Variants in SNX10 observed in about 807,000 individuals in gnomAD.
SNX10 encodes sorting nexin-10.
SNX10 carries 25 observed loss-of-function variants against 28.5 expected under a neutral mutation model. That is an observed-to-expected ratio of 0.88 (90% CI 0.64 to 1.22). The LOEUF (loss-of-function observed/expected upper bound fraction) is 1.22, where lower values mean the gene tolerates loss of function less well. Ranked by LOEUF, SNX10 falls within the 50% of genes most tolerant of loss-of-function variation. The pLI is 0.00. For synonymous variants in SNX10, 62 were observed against 81.4 expected (o/e 0.76, Z 1.28); for missense variants, 223 against 242.6 (o/e 0.92, Z 0.54).
intron 1 of SNX10, among the ~76,000 whole-genome samples, chr7:26,341,769 G>A (rs1470891352): frequency 6.6e-6 from 1 of 152,082 alleles, no homozygotes. Flanking sequence ...ACAGGCATGA[G>A]CCACCACACC....
chr7:26,354,144 A>C (rs977565996), intron 2 of SNX10: 2 of 152,238 alleles, frequency 1.3e-5, no homozygotes, highest in African/African-American at 4.8e-5. Context: ...CACAATGGCT[A>C]AAATAAAAAA....
intron 1 of SNX10, among the ~76,000 whole-genome samples, chr7:26,324,846 T>C (rs1300576568): frequency 6.6e-6 from 1 of 152,182 alleles, no homozygotes; most frequent in African/African-American, 2.4e-5. Flanking sequence ...AATTATATTA[T>C]TTAAACATTA....
At chr7:26,369,689 C>T (rs1401700826) in intron 5 of SNX10, among the ~76,000 whole-genome samples, 1 of 152,160 alleles carries the variant, frequency 6.6e-6, no homozygotes, top group African/African-American at 2.4e-5. Context: ...GCTGGGTGAG[C>T]CTGGCTCCTT....
intron 1 of SNX10, among the ~76,000 whole-genome samples, chr7:26,345,734 A>G (rs1456669522): frequency 1.3e-5 from 2 of 152,206 alleles, no homozygotes; most frequent in Admixed American, 6.5e-5. Flanking sequence ...GTAAGAATAC[A>G]TATGTGTGGA....
intron 1 of SNX10, among the ~76,000 whole-genome samples, chr7:26,325,402 C>T (rs548443305): frequency 6.8e-6 from 1 of 146,148 alleles, no homozygotes; most frequent in South Asian, 2.2e-4. Flanking sequence ...CAACCTCAGC[C>T]TCCCAGGTTC....
At chr7:26,300,943 T>TG (rs1301290058) in intron 1 of SNX10, among the ~76,000 whole-genome samples, 4 of 132,552 alleles carry the variant, frequency 3.0e-5, no homozygotes, top group African/African-American at 1.2e-4. Flanking sequence ...CACTTGAGCC[T>TG]GGGAGGTGGA....
Position 26,351,646 on chromosome 7 carries a change from G to GTTTTTTT in SNX10, c.24+5186_24+5192dup, listed in dbSNP as rs982361856. Among the ~76,000 whole-genome samples, 31 of 112,620 alleles carry GTTTTTTT rather than the reference G, an allele frequency of 2.8e-4. 1 individual carries two copies. Among genetic ancestry groups the GTTTTTTT allele is most frequent in the African/African-American group, 8.4e-4 (26 of 30,818 alleles). 73.9% of individuals were successfully genotyped at this position (112,620 alleles called of 152,430 possible). A position where few individuals can be genotyped will look rare whatever the true frequency, so the allele number is the denominator to read the frequency against. On this transcript the variant is annotated intron_variant, in intron 2 of 6. Coordinates refer to ENST00000338523, the MANE Select transcript of SNX10 (RefSeq NM_013322.3). The stretch of plus-strand genomic sequence containing the variant: ...AAAACTAAAGCAATCAAGCAGTCTG[G>GTTTTTTT]TTTTTTTTTTTTGTTTTTTTTTTTT...
intron 3 of SNX10, among the ~76,000 whole-genome samples, chr7:26,361,980 G>A (rs2128022499): frequency 6.6e-6 from 1 of 152,332 alleles, no homozygotes; most frequent in South Asian, 2.1e-4. Flanking sequence ...CATAGCACAA[G>A]TGAAGTAAAA....
intron 1 of SNX10, among the ~76,000 whole-genome samples, chr7:26,299,170 A>G (rs564863340): frequency 6.6e-6 from 1 of 152,226 alleles, no homozygotes; most frequent in African/African-American, 2.4e-5. Flanking sequence ...TTAGAAAGGG[A>G]AAGGGAATGG....
intron 2 of SNX10, chr7:26,360,679 A>C (rs1218439358): frequency 1.4e-5 from 5 of 351,428 alleles, no homozygotes; most frequent in Non-Finnish European, 2.3e-5. Context: ...AAGATTAAAA[A>C]TTAAAAATCA....
At chr7:26,293,426 G>C (rs1786000735) in intron 1 of SNX10, among the ~76,000 whole-genome samples, 1 of 152,042 alleles carries the variant, frequency 6.6e-6, no homozygotes, top group African/African-American at 2.4e-5. Context: ...GGCAGGTCTG[G>C]AAGTCCTGAG....
At chr7:26,331,799 T>A (rs755077555) in intron 1 of SNX10, among the ~76,000 whole-genome samples, 1 of 148,420 alleles carries the variant, frequency 6.7e-6, no homozygotes, top group Non-Finnish European at 1.5e-5. Flanking sequence ...CAACCAGTAG[T>A]CTATGTTCCA....
intron 1 of SNX10, among the ~76,000 whole-genome samples, chr7:26,332,863 T>TG (rs1218855132): frequency 2.0e-5 from 3 of 152,180 alleles, no homozygotes; most frequent in Non-Finnish European, 4.4e-5. Context: ...GTGCCCTTGT[T>TG]GGGGAAATCA....
intron 2 of SNX10, among the ~76,000 whole-genome samples, chr7:26,359,488 C>A (rs1033473763): frequency 1.3e-5 from 2 of 151,984 alleles, no homozygotes; most frequent in African/African-American, 4.8e-5. Context: ...CATTGAACTC[C>A]CAATCTTATC....
chr7:26,341,499 A>AT lies in SNX10; in HGVS notation c.-23-4908dup, dbSNP rs77220780. Among the ~76,000 whole-genome samples, 948 of 145,768 alleles carry AT rather than the reference A, an allele frequency of 6.5e-3. 15 individuals are homozygous for AT. The highest frequency in any genetic ancestry group is 0.021 in the African/African-American group (843 of 39,400). ...AGTGAGACAAGAATTCTCTATGTGCATTTTTTTTTTTTTGAGATGGAGTCT... is the reference window on the plus strand; with the variant it reads ...AGTGAGACAAGAATTCTCTATGTGCATTTTTTTTTTTTTTGAGATGGAGTCT... On this transcript the variant is annotated intron_variant, in intron 1 of 6. Coordinates refer to ENST00000338523, the MANE Select transcript of SNX10 (RefSeq NM_013322.3).
At position 26,374,167 on chromosome 7, in the gene SNX10, TTC is replaced by T. The variant is rs1159306389; in HGVS notation, c.*1597_*1598del. ...CAATATGTATTTGAGTTCACACTATTTCTGTTTTACAGCAGTTTTGAAAAACA... is the reference window on the plus strand; with the variant it reads ...CAATATGTATTTGAGTTCACACTATTTGTTTTACAGCAGTTTTGAAAAACA... On this transcript the variant is annotated 3_prime_UTR_variant, in exon 7 of 7. Coordinates refer to ENST00000338523, the MANE Select transcript of SNX10 (RefSeq NM_013322.3). 3.3e-5 allele frequency: 5 copies of T among 152,062 alleles called. No individual in the cohort carries two copies. Among genetic ancestry groups the T allele is most frequent in the East Asian group, 3.8e-4 (2 of 5,196 alleles). 9.4% of individuals were successfully genotyped at this position (152,062 alleles called of 1,614,324 possible).
chr7:26,332,151 G>A (rs1019470642), intron 1 of SNX10, among the ~76,000 whole-genome samples: 4 of 152,296 alleles, frequency 2.6e-5, no homozygotes, highest in Admixed American at 6.5e-5. Flanking sequence ...AATTCTTCAA[G>A]AAACTGCCAG....
Position 26,369,486 on chromosome 7 carries a change from A to T in SNX10, c.312-2335A>T, listed in dbSNP as rs375013607. 1.1e-3 allele frequency among the ~76,000 whole-genome samples: 165 copies of T among 152,362 alleles called. 1 individual carries two copies. Among genetic ancestry groups the T allele is most frequent in the Non-Finnish European group, 1.6e-3 (111 of 68,038 alleles). On this transcript the variant is annotated intron_variant, in intron 5 of 6. Transcript: ENST00000338523. ...AACTATCTGACTAAAATAAGCATAT[A>T]AATACATTTAAAAATTATTTTTGCT... is the stretch of plus-strand genomic sequence containing the variant.
At chr7:26,358,956 A>G (rs1466906136) in intron 2 of SNX10, among the ~76,000 whole-genome samples, 1 of 151,334 alleles carries the variant, frequency 6.6e-6, no homozygotes, top group Non-Finnish European at 1.5e-5. Flanking sequence ...CAGGCGCCCA[A>G]CACCATGCCC....
Sources: allele counts gnomAD v4.1 joint callset (sites outside exome capture counted in the v4.1 genomes callset), GRCh38; gene constraint gnomAD v4.1.1; transcripts MANE v1.5; gene names NCBI Gene and HGNC (gene_info 2026-07-23, HGNC 2026-07-21).